The following NRG1 variants were observed in gnomAD, a reference collection of about 807,000 sequenced individuals.
The protein encoded by NRG1 is pro-neuregulin-1, membrane-bound isoform.
A neutral mutation model predicts 63.8 loss-of-function variants in NRG1; 18 were observed. The ratio of observed to expected loss-of-function variants is 0.28; its 90% confidence interval spans 0.19 to 0.42. The LOEUF (loss-of-function observed/expected upper bound fraction) is 0.42. Among genes scored for constraint, NRG1 ranks in the 10% least tolerant of loss-of-function variants. NRG1 has a pLI of 1.00. For missense variants in NRG1, 762 were observed against 814.7 expected, an observed-to-expected ratio of 0.94 and a Z score of 0.79; for synonymous variants, 302 against 301.3, an observed-to-expected ratio of 1.00 and a Z score of -0.02.
At chr8:31,894,707 C>T (rs1425601100) in intron 1 of NRG1, among the ~76,000 whole-genome samples, 1 of 151,906 alleles carries the variant, frequency 6.6e-6, no homozygotes, top group Non-Finnish European at 1.5e-5. Context: ...CCCACCACCA[C>T]GCCCGGCTAA....
intron 1 of NRG1, among the ~76,000 whole-genome samples, chr8:31,892,630 T>A (rs1266461810): frequency 1.3e-5 from 2 of 152,118 alleles, no homozygotes; most frequent in African/African-American, 4.8e-5. Flanking sequence ...GTTCTTCCTT[T>A]TATCTCTGGG....
intron 1 of NRG1, among the ~76,000 whole-genome samples, chr8:31,651,683 T>C (rs1440449431): frequency 6.6e-6 from 1 of 152,160 alleles, no homozygotes; most frequent in Non-Finnish European, 1.5e-5. Flanking sequence ...AGTTGTCAAA[T>C]GGGAATAATT....
intron 2 of NRG1, among the ~76,000 whole-genome samples, chr8:32,602,260 T>G (rs1258816291): frequency 6.6e-6 from 1 of 152,130 alleles, no homozygotes; most frequent in Non-Finnish European, 1.5e-5. Context: ...TTTTTTTAAA[T>G]CTCTCTTTCT....
Position 32,035,238 on chromosome 8 carries a change from C to T in NRG1, c.37+395807C>T, listed in dbSNP as rs138961833. On this transcript the variant is annotated intron_variant, in intron 1 of 10. Coordinates refer to the NRG1 transcript ENST00000519301. ...CATTCAGGAGCAGGTTGTTCAATTTCGATGTAGTTGTGTGGTTTTGAGTGA... is the reference window on the plus strand; with the variant it reads ...CATTCAGGAGCAGGTTGTTCAATTTTGATGTAGTTGTGTGGTTTTGAGTGA... 7.6e-3 allele frequency among the ~76,000 whole-genome samples: 1,149 copies of T among 152,102 alleles called. 17 individuals are homozygous for T. The highest frequency in any genetic ancestry group is 0.027 in the African/African-American group (1,100 of 41,502).
intron 1 of NRG1, among the ~76,000 whole-genome samples, chr8:31,917,692 CTT>C (rs200984142): frequency 0.12 from 18,262 of 152,016 alleles, 1,240 homozygotes; most frequent in Admixed American, 0.19. Context: ...GATGCAGACT[CTT>C]TTTTGGTTCC....
intron 1 of NRG1, among the ~76,000 whole-genome samples, chr8:32,468,818 C>A (rs185443659): frequency 1.8e-4 from 28 of 151,822 alleles, no homozygotes; most frequent in African/African-American, 6.3e-4. Flanking sequence ...CTATTTTTAG[C>A]CACTTCGGTT....
intron 1 of NRG1, among the ~76,000 whole-genome samples, chr8:31,908,807 CA>C (rs1164666321): frequency 1.3e-5 from 2 of 151,616 alleles, no homozygotes; most frequent in Non-Finnish European, 2.9e-5. Context: ...ATAAACATAA[CA>C]GAAATATAAG....
chr8:32,499,239 T>G (rs1391639669), intron 1 of NRG1, among the ~76,000 whole-genome samples: 1 of 152,186 alleles, frequency 6.6e-6, no homozygotes, highest in African/African-American at 2.4e-5. Flanking sequence ...GGCACCCCTC[T>G]GAAGTTTGGC....
intron 5 of NRG1, among the ~76,000 whole-genome samples, chr8:32,654,692 C>T (rs923536690): frequency 1.3e-5 from 1 of 79,990 alleles, no homozygotes; most frequent in African/African-American, 4.3e-5. Flanking sequence ...GGAGGCTGGA[C>T]ATCTGTCTCC....
chr8:31,896,724 A>G (rs943225212), intron 1 of NRG1, among the ~76,000 whole-genome samples: 12 of 152,216 alleles, frequency 7.9e-5, no homozygotes, highest in African/African-American at 2.7e-4. Flanking sequence ...CACTTTAAGA[A>G]GTATTATTCT....
Position 32,500,339 on chromosome 8 carries a change from C to A in NRG1, c.38-95489C>A, listed in dbSNP as rs545766393. On this transcript the variant is annotated intron_variant, in intron 1 of 10. Transcript: ENST00000519301. ...GTGAATTTCCCTTTTCTTGAGGACT[C>A]TAAAACATTCTGAGTTTCCCGGGCC... is the stretch of plus-strand genomic sequence containing the variant. Among the ~76,000 whole-genome samples the A allele has an allele frequency of 2.0e-5, 3 of 152,264 alleles. No individual in the cohort carries two copies. The South Asian group carries it at 6.2e-4, about 32-fold the overall frequency.
chr8:32,451,169 G>A (rs1238400377), intron 1 of NRG1, among the ~76,000 whole-genome samples: 2 of 152,122 alleles, frequency 1.3e-5, no homozygotes, highest in Non-Finnish European at 2.9e-5. Flanking sequence ...TATGGGAGTG[G>A]ACATTTGAAT....
intron 1 of NRG1, among the ~76,000 whole-genome samples, chr8:31,888,501 A>G (rs1230593494): frequency 6.6e-6 from 1 of 152,136 alleles, no homozygotes; most frequent in Non-Finnish European, 1.5e-5. Flanking sequence ...GCATTTCACA[A>G]CACTGTTAAC....
chr8:31,793,867 T>C (rs1157009601), intron 1 of NRG1, among the ~76,000 whole-genome samples: 1 of 152,178 alleles, frequency 6.6e-6, no homozygotes, highest in Non-Finnish European at 1.5e-5. Flanking sequence ...GCATCTTCTT[T>C]TTTAGTATAT....
At chr8:32,429,083 C>T (rs1817800026) in intron 1 of NRG1, among the ~76,000 whole-genome samples, 1 of 151,818 alleles carries the variant, frequency 6.6e-6, no homozygotes, top group Non-Finnish European at 1.5e-5. Context: ...AACATAGTCA[C>T]GTTGGACATT....
chr8:32,570,754 C>T (rs1308440069), intron 1 of NRG1, among the ~76,000 whole-genome samples: 1 of 152,068 alleles, frequency 6.6e-6, no homozygotes, highest in African/African-American at 2.4e-5. Flanking sequence ...GATAAAGTGT[C>T]ACATACATTA....
chr8:32,742,858 G>A lies in NRG1; in HGVS notation c.691+125G>A, dbSNP rs1826679497. 1.3e-6 allele frequency: 2 copies of A among 1,588,104 alleles called. No individual in the cohort carries two copies. Among genetic ancestry groups the A allele is most frequent in the Admixed American group, 3.4e-5 (2 of 58,242 alleles). The stretch of plus-strand genomic sequence containing the variant: ...GATGTGTCTTACCAGATCTAATATT[G>A]ACTGCCTCTGCCTGTCGCATGAGAA... On this transcript the variant is annotated intron_variant, in intron 7 of 11. Transcript: ENST00000356819. This position sits in a 1 kb window ranked among gnomAD's most constrained non-coding sequence, Gnocchi z 4.2.
At position 32,764,017 on chromosome 8, in the gene NRG1, C is replaced by T. The variant is rs367543168; in HGVS notation, c.1529C>T (p.Pro510Leu). ...CCCGCGCATGACAGTAACAGCCTCC[C>T]TGCTAGCCCCTTGAGGATAGTGGAG... The change falls in exon 12 of 12, where the codon CCT (proline) becomes CTT (leucine). Residue 510 changes from proline (P) to leucine (L), a missense_variant. This residue lies in a region of NRG1 where 503 missense variants were observed against 506.8 expected (regional missense o/e 0.99). Transcript: ENST00000356819. The T allele has an allele frequency of 6.2e-7, 1 of 1,613,982 alleles. No homozygotes were observed. The highest frequency in any genetic ancestry group is 1.3e-5 in the African/African-American group (1 of 74,908).
intron 1 of NRG1, among the ~76,000 whole-genome samples, chr8:32,174,672 T>C (rs1352340563): frequency 6.6e-6 from 1 of 152,078 alleles, no homozygotes; most frequent in Non-Finnish European, 1.5e-5. Flanking sequence ...CCCACAGAAA[T>C]ACAAACTACC....
Sources: allele counts gnomAD v4.1 joint callset (sites outside exome capture counted in the v4.1 genomes callset), GRCh38; gene constraint gnomAD v4.1.1; regional missense constraint gnomAD v4.1.1; non-coding constraint Gnocchi (gnomAD v3.1); transcripts MANE v1.5; gene names NCBI Gene and HGNC (gene_info 2026-07-23, HGNC 2026-07-21).